CASKIN1: variants seen among roughly 807,000 people sequenced by gnomAD.
CASKIN1 encodes the protein caskin-1.
Under a neutral mutation model 117.5 loss-of-function variants are expected in CASKIN1, and 42 were observed. The observed-to-expected ratio is 0.36, with a 90% CI of 0.28 to 0.46. The LOEUF (loss-of-function observed/expected upper bound fraction) is 0.46, where lower values mean the gene tolerates loss of function less well. CASKIN1 is among the 20% of genes least tolerant of loss of function. The probability of loss-of-function intolerance (pLI) is 1.00; values close to 1 mark genes in which losing one functional copy is unlikely to be tolerated. For missense variants in CASKIN1, 2,083 were observed against 2,077.3 expected (o/e 1.00, Z -0.05); for synonymous variants, 1,148 against 961.7 (o/e 1.19, Z -3.59).
chr16:2,189,483 T>C lies in CASKIN1; in HGVS notation c.326A>G (p.Asn109Ser). 1 of 1,612,202 alleles carries C rather than the reference T, an allele frequency of 6.2e-7. No individual in the cohort carries two copies. ...KLVLKAGSAV[N>S]IPSDEGHIPL... ...GATGTGGCCCTCATCAGACGGGATG[T>C]TCACGGCCGAGCCCGCCTTCAGCAC... Residue 109 changes from asparagine (N) to serine (S), a missense_variant, in exon 4 of 20, where the codon AAC becomes AGC. Physicochemically the swap from Asn to Ser is conservative, Grantham distance 46 (BLOSUM62 1). This residue lies in a region of CASKIN1 where 203 missense variants were observed against 338.7 expected (regional missense o/e 0.60). Coordinates refer to ENST00000343516, the MANE Select transcript of CASKIN1 (RefSeq NM_020764.4).
intron 17 of CASKIN1, 50 bp from the exon 18 acceptor site, chr16:2,181,649 A>AGGGGCCGGGCTAGGGGC: frequency 5.0e-6 from 1 of 201,794 alleles, no homozygotes; most frequent in Non-Finnish European, 7.6e-6. Context: ...GCGGAGGGGC[A>AGGGGCCGGGCTAGGGGC]GGGGCCGGGC....
In CASKIN1 at chr16:2,179,316, C is replaced by T. The variant is rs1445048894; in HGVS notation, c.3785G>A (p.Arg1262His). 6 of 1,241,676 alleles carry T rather than the reference C, an allele frequency of 4.8e-6. No individual in the cohort carries two copies. The Admixed American group carries it at 1.6e-4, about 34-fold the overall frequency. 76.9% of individuals were successfully genotyped at this position (1,241,676 alleles called of 1,614,324 possible). A position where few individuals can be genotyped will look rare whatever the true frequency, so the allele number is the denominator to read the frequency against. The change falls in exon 19 of 20, where the codon CGC (arginine) becomes CAC (histidine). Residue 1262 changes from arginine (R) to histidine (H), a missense_variant. Coordinates refer to ENST00000343516, the MANE Select transcript of CASKIN1 (RefSeq NM_020764.4). This position sits in a 1 kb window ranked among gnomAD's most constrained non-coding sequence, Gnocchi z 5.8. ...CACGGGCGGTGGCGTGCCGTGGGCGCGCTTCACCTCTGCGGGGAGGACCAC... is the reference window on the plus strand; with the variant it reads ...CACGGGCGGTGGCGTGCCGTGGGCGTGCTTCACCTCTGCGGGGAGGACCAC... ...LPGPGSPEVK[R>H]AHGTPPPVSP...
In CASKIN1 at chr16:2,190,139, C is replaced by T. The variant is rs1413507197; in HGVS notation, c.178G>A (p.Gly60Ser). ...AGCAGGCTGATCAATTCCGTGTTGC[C>T]GTTCAGGGCCGCATGGTGCAGAGCC... ...FSALHHAALN[G>S]NTELISLLLE... The change falls in exon 3 of 20, where the codon GGC becomes AGC. Residue 60 changes from glycine to serine, a missense_variant. Coordinates refer to ENST00000343516, the MANE Select transcript of CASKIN1 (RefSeq NM_020764.4). 6.2e-7 allele frequency: 1 copy of T among 1,613,062 alleles called. No homozygotes were observed. Among genetic ancestry groups the T allele is most frequent in the Non-Finnish European group, 8.5e-7 (1 of 1,179,938 alleles).
In CASKIN1 at chr16:2,178,725, C is replaced by A; in HGVS notation, c.4200-79G>T. 3.6e-6 allele frequency: 5 copies of A among 1,383,420 alleles called. No homozygotes were observed. In the South Asian group the frequency reaches 5.4e-5, roughly 15 times the overall value. 85.7% of individuals were successfully genotyped at this position (1,383,420 alleles called of 1,614,324 possible). On this transcript the variant is annotated intron_variant, in intron 19 of 19. Transcript: ENST00000343516. ...CACCCCGACCAGGACACGCCCACGT[C>A]CCGCATCTCCGTCGGCTTCCGCCTA...
chr16:2,190,398 AGC>A, intron 1 of CASKIN1, 40 bp from the exon 2 acceptor site: 2 of 1,543,868 alleles, frequency 1.3e-6, no homozygotes, highest in Non-Finnish European at 1.8e-6. Flanking sequence ...AGGCTGTGCC[AGC>A]CCCTCCAGGC....
Position 2,178,444 on chromosome 16 carries a change from G to A in CASKIN1, c.*106C>T. The A allele has an allele frequency of 1.2e-6, 1 of 828,596 alleles. No homozygotes were observed. Among genetic ancestry groups the A allele is most frequent in the Non-Finnish European group, 1.7e-6 (1 of 581,588 alleles). 51.3% of individuals were successfully genotyped at this position (828,596 alleles called of 1,614,324 possible). Reference sequence around the variant, plus strand: ...AGGGGCCGGAGTTGTGCTTCTGCAGGGCCCTGCCCGGCCGCTCGCGCCGCG... The same window carrying A: ...AGGGGCCGGAGTTGTGCTTCTGCAGAGCCCTGCCCGGCCGCTCGCGCCGCG... On this transcript the variant is annotated 3_prime_UTR_variant, in exon 20 of 20. Coordinates refer to ENST00000343516, the MANE Select transcript of CASKIN1 (RefSeq NM_020764.4).
chr16:2,184,589 C>T (rs976452669), intron 14 of CASKIN1, among the ~76,000 whole-genome samples, 188 bp downstream of exon 14: 3 of 152,140 alleles, frequency 2.0e-5, no homozygotes, highest in African/African-American at 7.2e-5. Flanking sequence ...TGCACAATGA[C>T]GACACCCGTA....
chr16:2,190,035 C>CGCCCCT (rs1567263419), intron 3 of CASKIN1, 38 bp downstream of exon 3: 2 of 1,561,988 alleles, frequency 1.3e-6, no homozygotes, highest in Non-Finnish European at 8.8e-7. Context: ...TCGCTGCCCC[C>CGCCCCT]GCCCCTGCCC....
chr16:2,191,858 C>A (rs939428061), intron 1 of CASKIN1, among the ~76,000 whole-genome samples: 2 of 152,248 alleles, frequency 1.3e-5, no homozygotes, highest in Non-Finnish European at 2.9e-5. Context: ...AGCCCTTCTC[C>A]CCACAGCCAC....
Position 2,180,630 on chromosome 16 carries a change from C to T in CASKIN1, c.2738G>A (p.Arg913His), listed in dbSNP as rs752055545. ...CCTCACTGAGTGGCTGCGGCCCACG[C>T]GCCGCTGGACCGTGGCATAGGGGCC... ...AAGPYATVQR[R>H]VGRSHSVRAP... Residue 913 changes from arginine (R) to histidine (H), a missense_variant, in exon 18 of 20, where the codon CGC becomes CAC. This residue lies in a region of CASKIN1 where 1,818 missense variants were observed against 1,688.9 expected (regional missense o/e 1.08). Transcript: ENST00000343516. 8 of 1,551,430 alleles carry T rather than the reference C, an allele frequency of 5.2e-6. No individual in the cohort carries two copies. Among genetic ancestry groups the T allele is most frequent in the Middle Eastern group, 1.8e-4 (1 of 5,704 alleles).
Position 2,181,093 on chromosome 16 carries a change from C to G in CASKIN1, c.2275G>C (p.Val759Leu). The change falls in exon 18 of 20, where the codon GTG (valine) becomes CTG (leucine). Residue 759 changes from valine (V) to leucine (L), a missense_variant. This residue lies in a region of CASKIN1 where 1,818 missense variants were observed against 1,688.9 expected (regional missense o/e 1.08). Coordinates refer to ENST00000343516, the MANE Select transcript of CASKIN1 (RefSeq NM_020764.4). ...HSIKRASVPP[V>L]PGKPRQVLPP... The stretch of plus-strand genomic sequence containing the variant: ...AGGACCTGCCGTGGCTTGCCAGGCA[C>G]GGGGGGCACGCTGGCCCTCTTGATG... The G allele has an allele frequency of 2.7e-6, 4 of 1,479,588 alleles. No individual in the cohort carries two copies. Among genetic ancestry groups the G allele is most frequent in the Non-Finnish European group, 3.6e-6 (4 of 1,122,384 alleles). 91.7% of individuals were successfully genotyped at this position (1,479,588 alleles called of 1,614,324 possible).
At position 2,179,956 on chromosome 16, in the gene CASKIN1, C is replaced by G. The variant is rs752856244; in HGVS notation, c.3412G>C (p.Val1138Leu). The change falls in exon 18 of 20, where the codon GTC (valine) becomes CTC (leucine). Residue 1138 changes from valine (V) to leucine (L), a missense_variant. Around this residue, in one of 3 missense-constraint regions of CASKIN1, gnomAD observed 1,818 missense variants for 1,688.9 expected, o/e 1.08. Transcript: ENST00000343516. The surrounding 1 kb of genome is among the most constrained non-coding windows in gnomAD (Gnocchi z 5.8). ...IRAKQNQQEN[V>L]KFILTESDTV... is the part of the protein sequence containing the mutation. Reference sequence around the variant, plus strand: ...TCAGACTCGGTCAGGATGAACTTGACGTTCTCCTGCTGGTTCTGCTTGGCC... The same window carrying G: ...TCAGACTCGGTCAGGATGAACTTGAGGTTCTCCTGCTGGTTCTGCTTGGCC... 6.2e-7 allele frequency: 1 copy of G among 1,606,520 alleles called. No individual in the cohort carries two copies. The highest frequency in any genetic ancestry group is 1.3e-5 in the African/African-American group (1 of 74,772).
chr16:2,180,497 C>T lies in CASKIN1; in HGVS notation c.2871G>A (p.Leu957=). ...GCTCATCCGCCAGGTTGGCACTAGC[C>T]AGGGCCGAGCTGGAGCGCTTGGGTG... ...PPPPKRSSSA[L]ASANLADEPV... Residue 957 remains leucine (L), a synonymous_variant, in exon 18 of 20, where the codon CTG becomes CTA. Transcript: ENST00000343516. 1 of 1,549,974 alleles carries T rather than the reference C, an allele frequency of 6.5e-7. No individual in the cohort carries two copies. Among genetic ancestry groups the T allele is most frequent in the Non-Finnish European group, 8.7e-7 (1 of 1,153,938 alleles).
Position 2,179,398 on chromosome 16 carries a change from G to A in CASKIN1, c.3776-73C>T, listed in dbSNP as rs2093158112. The A allele has an allele frequency of 7.7e-7, 1 of 1,300,018 alleles. No individual in the cohort carries two copies. The highest frequency in any genetic ancestry group is 9.7e-7 in the Non-Finnish European group (1 of 1,029,376). The allele number at this position is 1,300,018 out of a possible 1,614,324, so 80.5% of individuals were successfully genotyped here. A position where few individuals can be genotyped will look rare whatever the true frequency, so the allele number is the denominator to read the frequency against. On this transcript the variant is annotated intron_variant, in intron 18 of 19. Coordinates refer to ENST00000343516, the MANE Select transcript of CASKIN1 (RefSeq NM_020764.4). This position sits in a 1 kb window ranked among gnomAD's most constrained non-coding sequence, Gnocchi z 5.8. ...CGCGCCCCCTGCCCCAGCCTCCCGC[G>A]GCTTCCTCCCCAGCGGACCGGGAAA...
At chr16:2,192,402 C>T (rs996303172) in intron 1 of CASKIN1, among the ~76,000 whole-genome samples, 18 of 152,072 alleles carry the variant, frequency 1.2e-4, no homozygotes, top group African/African-American at 3.9e-4. Context: ...AGGCCGACAA[C>T]GGACAGTGGC....
At chr16:2,184,677 G>A (rs887856657) in intron 14 of CASKIN1, 100 bp downstream of exon 14, 7 of 1,067,816 alleles carry the variant, frequency 6.6e-6, no homozygotes, top group East Asian at 5.8e-5. Context: ...CCCCGACCCC[G>A]CCGCTGCCAG....
chr16:2,189,019 G>A lies in CASKIN1; in HGVS notation c.617+8C>T, dbSNP rs202058789. On this transcript the variant is annotated splice_region_variant and intron_variant, in intron 6 of 19. Coordinates refer to ENST00000343516, the MANE Select transcript of CASKIN1 (RefSeq NM_020764.4). The stretch of plus-strand genomic sequence containing the variant: ...TAAGGCTGAGGCCCTCCCTGCTACC[G>A]GCTCTACCTGATGATGTCGATGTGG... 8.6e-4 allele frequency: 1,386 copies of A among 1,609,392 alleles called. 1 individual carries two copies. The highest frequency in any genetic ancestry group is 1.1e-3 in the Non-Finnish European group (1,282 of 1,177,124).
Position 2,187,182 on chromosome 16 carries a change from G to C in CASKIN1, c.819C>G (p.Ile273Met). ...QFTTSQASRE[I>M]KQLLREASAA... ...TGGGCCCACCTCGCAACAGCTGCTT[G>C]ATCTCCCTGCTGGCCTGGGACGTGG... Residue 273 changes from isoleucine (I) to methionine (M), a missense_variant, in exon 8 of 20, where the codon ATC (isoleucine) becomes ATG (methionine). By Grantham distance (10) the Ile-to-Met change is conservative. Around this residue, in one of 3 missense-constraint regions of CASKIN1, gnomAD observed 203 missense variants for 338.7 expected, o/e 0.60. Coordinates refer to ENST00000343516, the MANE Select transcript of CASKIN1 (RefSeq NM_020764.4). 1 of 1,613,928 alleles carries C rather than the reference G, an allele frequency of 6.2e-7. No individual in the cohort carries two copies. Among genetic ancestry groups the C allele is most frequent in the Admixed American group, 1.7e-5 (1 of 60,022 alleles).
chr16:2,178,368 C>A lies in CASKIN1; in HGVS notation c.*182G>T, dbSNP rs985838955. On this transcript the variant is annotated 3_prime_UTR_variant, in exon 20 of 20. Transcript: ENST00000343516. Reference sequence around the variant, plus strand: ...CGCGGGCGCAGGGTCTGCCTAGAGCCCTTGGAGCCCCCGGCCAGGCGGTCC... The same window carrying A: ...CGCGGGCGCAGGGTCTGCCTAGAGCACTTGGAGCCCCCGGCCAGGCGGTCC... 5 of 467,300 alleles carry A rather than the reference C, an allele frequency of 1.1e-5. No homozygotes were observed. The highest frequency in any genetic ancestry group is 1.9e-5 in the Non-Finnish European group (5 of 265,020). 28.9% of individuals were successfully genotyped at this position (467,300 alleles called of 1,614,324 possible).
Sources: allele counts gnomAD v4.1 joint callset (sites outside exome capture counted in the v4.1 genomes callset), GRCh38; gene constraint gnomAD v4.1.1; regional missense constraint gnomAD v4.1.1; non-coding constraint Gnocchi (gnomAD v3.1); transcripts MANE v1.5; gene names NCBI Gene and HGNC (gene_info 2026-07-23, HGNC 2026-07-21).